Variants in APIP observed in about 807,000 individuals in gnomAD.
APIP encodes APAF1 interacting protein.
Under a neutral mutation model 32.0 loss-of-function variants are expected in APIP, and 32 were observed. That is an observed-to-expected ratio of 1.00 (90% confidence interval 0.76 to 1.34). The LOEUF (loss-of-function observed/expected upper bound fraction) is 1.34. Among genes scored for constraint, APIP ranks in the 40% most tolerant of loss-of-function variants. The pLI, the probability that APIP is intolerant of heterozygous loss-of-function variation, is 0.00. For missense variants in APIP, 247 were observed against 298.6 expected, an observed-to-expected ratio of 0.83 and a Z score of 1.27; for synonymous variants, 92 against 94.8, an observed-to-expected ratio of 0.97 and a Z score of 0.17.
At chr11:34,888,659 T>C in intron 4 of APIP, 93 bp downstream of exon 4, 2 of 1,174,190 alleles carry the variant, frequency 1.7e-6, no homozygotes, top group Non-Finnish European at 2.4e-6. Context: ...ACATGGTGGG[T>C]ATCCAAGAAA....
chr11:34,916,029 G>A, intron 1 of APIP, 199 bp downstream of exon 1: 3 of 666,868 alleles, frequency 4.5e-6, no homozygotes, highest in Non-Finnish European at 2.4e-6. Context: ...CCCCGCCCGA[G>A]ACCACTGATC....
rs145170818 is a variant in APIP, at chr11:34,887,932, G to A, written c.461+361C>T. Among the ~76,000 whole-genome samples, 205 of 152,218 alleles carry A rather than the reference G, an allele frequency of 1.3e-3. 1 individual carries two copies. Among genetic ancestry groups the A allele is most frequent in the African/African-American group, 4.7e-3 (194 of 41,536 alleles). On this transcript the variant is annotated intron_variant, in intron 5 of 6. Transcript: ENST00000395787. ...ATTAAATCACCATGAAGTATAAACT[G>A]TAGTCACTGGTCAAATTTCTGAAGA...
At chr11:34,894,254 T>G (rs1853229500) in intron 2 of APIP, among the ~76,000 whole-genome samples, 1 of 152,152 alleles carries the variant, frequency 6.6e-6, no homozygotes, top group Non-Finnish European at 1.5e-5. Context: ...GGAATACAGA[T>G]TAGCAGGCAC....
chr11:34,916,063 T>G (rs1590720157), intron 1 of APIP, 165 bp downstream of exon 1: 1 of 915,784 alleles, frequency 1.1e-6, no homozygotes, highest in East Asian at 2.8e-5. Flanking sequence ...CAGCCTTGCT[T>G]CCGAACGCCA....
chr11:34,888,904 G>C (rs756352379), intron 3 of APIP, 35 bp from the exon 4 acceptor site: 6 of 1,256,476 alleles, frequency 4.8e-6, no homozygotes, highest in Non-Finnish European at 6.4e-6. Flanking sequence ...AAAAAAGAAG[G>C]CTTGTAAAAT....
Position 34,916,318 on chromosome 11 carries a change from T to G in APIP, c.-34A>C. The G allele has an allele frequency of 6.2e-7, 1 of 1,608,558 alleles. No individual in the cohort carries two copies. Among genetic ancestry groups the G allele is most frequent in the Non-Finnish European group, 8.5e-7 (1 of 1,177,738 alleles). On this transcript the variant is annotated 5_prime_UTR_variant, in exon 1 of 7. Transcript: ENST00000395787. ...CCAGGGACCCGCGCGGCCTCCAATC[T>G]CCGCACGGCTTTGCGCGCGGCGCTT...
At chr11:34,906,261 T>A (rs1174961978) in intron 1 of APIP, among the ~76,000 whole-genome samples, 2 of 152,194 alleles carry the variant, frequency 1.3e-5, no homozygotes, top group East Asian at 3.9e-4. Context: ...TTATTATTTT[T>A]AAATTCTACC....
At chr11:34,892,512 A>G (rs1198214604) in intron 2 of APIP, among the ~76,000 whole-genome samples, 1 of 128,964 alleles carries the variant, frequency 7.8e-6, no homozygotes, top group Admixed American at 8.1e-5. Flanking sequence ...AGTCCTAATC[A>G]CATGCAACAG....
At position 34,916,336 on chromosome 11, in the gene APIP, C is replaced by T. The variant is rs779100145; in HGVS notation, c.-52G>A. On this transcript the variant is annotated 5_prime_UTR_variant, in exon 1 of 7. Transcript: ENST00000395787. The stretch of plus-strand genomic sequence containing the variant: ...TCCAATCTCCGCACGGCTTTGCGCG[C>T]GGCGCTTAGCCTGGGATACGGCAGC... The T allele has an allele frequency of 1.9e-6, 3 of 1,602,022 alleles. No homozygotes were observed. The highest frequency in any genetic ancestry group is 1.7e-4 in the Middle Eastern group (1 of 6,042).
chr11:34,911,674 C>T (rs7126659), intron 1 of APIP, among the ~76,000 whole-genome samples: 28,756 of 152,066 alleles, frequency 0.19, 3,886 homozygotes, highest in African/African-American at 0.39. Flanking sequence ...AATACTCCCA[C>T]ATAGCAAAAA....
Position 34,905,796 on chromosome 11 carries a change from T to C in APIP, c.57+10432A>G, listed in dbSNP as rs575872858. 2.6e-5 allele frequency among the ~76,000 whole-genome samples: 4 copies of C among 152,208 alleles called. No individual in the cohort carries two copies. In the South Asian group the frequency reaches 8.3e-4, roughly 32 times the overall value. On this transcript the variant is annotated intron_variant, in intron 1 of 6. Coordinates refer to ENST00000395787, the MANE Select transcript of APIP (RefSeq NM_015957.4). ...TGACTATATTGTAAAGAATAACAGA[T>C]GGGCCTTTCCAAACATGCCCCCTCA...
intron 1 of APIP, among the ~76,000 whole-genome samples, chr11:34,906,243 T>C (rs992793949): frequency 5.3e-5 from 8 of 152,128 alleles, no homozygotes; most frequent in Non-Finnish European, 7.4e-5. Context: ...GTAGCACTAG[T>C]TCCTGACTTA....
chr11:34,888,547 C>A, intron 4 of APIP, 119 bp from the exon 5 acceptor site: 1 of 1,433,724 alleles, frequency 7.0e-7, no homozygotes, highest in Non-Finnish European at 9.3e-7. Context: ...TTTTTCCTGG[C>A]ATGGAATAAG....
intron 2 of APIP, among the ~76,000 whole-genome samples, chr11:34,891,292 A>G (rs1400975528): frequency 6.6e-6 from 1 of 152,150 alleles, no homozygotes; most frequent in East Asian, 1.9e-4. Flanking sequence ...TTAATTTCAA[A>G]TCTTCTCTAA....
At chr11:34,886,693 T>C (rs1235937340) in intron 5 of APIP, among the ~76,000 whole-genome samples, 1 of 149,512 alleles carries the variant, frequency 6.7e-6, no homozygotes, top group Non-Finnish European at 1.5e-5. Flanking sequence ...TTACATCATA[T>C]TTTTTTTTTA....
chr11:34,894,800 A>C (rs1853239593), intron 2 of APIP, among the ~76,000 whole-genome samples: 1 of 152,190 alleles, frequency 6.6e-6, no homozygotes, highest in Non-Finnish European at 1.5e-5. Flanking sequence ...GAAATTGTGG[A>C]TCTTCAGTCT....
At chr11:34,883,981 G>A (rs916445853) in intron 5 of APIP, among the ~76,000 whole-genome samples, 3 of 152,102 alleles carry the variant, frequency 2.0e-5, no homozygotes, top group African/African-American at 7.2e-5. Flanking sequence ...AAAAACACAA[G>A]CATGGTTTGT....
intron 1 of APIP, among the ~76,000 whole-genome samples, chr11:34,902,636 C>G (rs1853386312): frequency 6.6e-6 from 1 of 152,264 alleles, no homozygotes; most frequent in African/African-American, 2.4e-5. Flanking sequence ...GGTGAAATAG[C>G]CCGTCCATTA....
chr11:34,888,145 T>C, intron 5 of APIP, 148 bp downstream of exon 5: 2 of 735,432 alleles, frequency 2.7e-6, no homozygotes, highest in South Asian at 7.2e-5. Context: ...GTCATGAGAA[T>C]AGGTCTAGAA....
Sources: gnomAD v4.1 joint callset for allele counts (sites outside exome capture counted in the v4.1 genomes callset) on GRCh38, gnomAD v4.1.1 for gene constraint, MANE v1.5 for transcripts, NCBI Gene and HGNC (gene_info 2026-07-23, HGNC 2026-07-21) for gene names.